Variants in RAB38 observed in about 807,000 individuals in gnomAD.
The protein encoded by RAB38 is ras-related protein Rab-38.
A neutral mutation model predicts 18.4 loss-of-function variants in RAB38; 15 were observed. That is an observed-to-expected ratio of 0.82 (90% CI 0.55 to 1.26). The LOEUF is 1.26. Ranked by LOEUF, RAB38 falls within the 50% of genes most tolerant of loss-of-function variation. The pLI, the probability that RAB38 is intolerant of heterozygous loss-of-function variation, is 0.00. For missense variants in RAB38, 294 were observed against 267.4 expected (o/e 1.10, Z -0.69); for synonymous variants, 101 against 104.4 (o/e 0.97, Z 0.20).
the RAB38 span, among the ~76,000 whole-genome samples, chr11:87,819,717 CGTGTATGTATATATATGTGTATAT>C: frequency 1.5e-3 from 2 of 1,340 alleles, no homozygotes; most frequent in East Asian, 0.12. Context: ...TATATATATA[CGTGTATGTATATATATGTGTATAT>C]ATATATATAC....
chr11:87,937,819 T>G, the RAB38 span, among the ~76,000 whole-genome samples: 1 of 151,688 alleles, frequency 6.6e-6, no homozygotes, highest in East Asian at 1.9e-4. Flanking sequence ...TGGCCGGCGC[T>G]TTCTATTTTC....
chr11:87,890,044 A>G, the RAB38 span, among the ~76,000 whole-genome samples: 503 of 151,990 alleles, frequency 3.3e-3, 3 homozygotes, highest in African/African-American at 0.011. Context: ...TATGTACAGG[A>G]CACTACTCCA....
chr11:88,072,407 C>T, the RAB38 span, among the ~76,000 whole-genome samples: 9 of 151,932 alleles, frequency 5.9e-5, no homozygotes, highest in South Asian at 2.1e-4. Flanking sequence ...CCTAAACAAA[C>T]GAAAGGAGAA....
At chr11:88,036,588 A>G in the RAB38 span, among the ~76,000 whole-genome samples, 1 of 152,074 alleles carries the variant, frequency 6.6e-6, no homozygotes. Context: ...TTCTTAGAAC[A>G]TTTTATTGAG....
chr11:87,862,738 A>G, the RAB38 span, among the ~76,000 whole-genome samples: 1 of 151,846 alleles, frequency 6.6e-6, no homozygotes, highest in African/African-American at 2.4e-5. Flanking sequence ...AGTATATCAC[A>G]TATAAACCTT....
At chr11:87,939,895 C>T in the RAB38 span, among the ~76,000 whole-genome samples, 1 of 151,888 alleles carries the variant, frequency 6.6e-6, no homozygotes, top group Admixed American at 6.6e-5. Context: ...ATAGCCAGAC[C>T]TTATCTCAAA....
chr11:87,806,049 C>T, the RAB38 span, among the ~76,000 whole-genome samples: 1 of 152,180 alleles, frequency 6.6e-6, no homozygotes, highest in Admixed American at 6.5e-5. Context: ...AAACTGGCTA[C>T]TGTAGCCTAG....
At chr11:88,088,351 C>T in the RAB38 span, among the ~76,000 whole-genome samples, 4 of 151,860 alleles carry the variant, frequency 2.6e-5, no homozygotes, top group East Asian at 3.9e-4. Context: ...TGTAGGGACT[C>T]ATAAGAAACA....
chr11:87,960,209 C>A, the RAB38 span, among the ~76,000 whole-genome samples: 1 of 152,062 alleles, frequency 6.6e-6, no homozygotes, highest in Non-Finnish European at 1.5e-5. Context: ...AAGCTTATTA[C>A]AATGCAGATT....
the RAB38 span, among the ~76,000 whole-genome samples, chr11:87,883,126 T>A: frequency 6.6e-6 from 1 of 151,756 alleles, no homozygotes; most frequent in East Asian, 2.0e-4. Flanking sequence ...CTGCAGGAGG[T>A]CACTGTTGAC....
chr11:87,909,555 C>G, the RAB38 span, among the ~76,000 whole-genome samples: 1 of 151,968 alleles, frequency 6.6e-6, no homozygotes, highest in African/African-American at 2.4e-5. Context: ...CAAATGTGTA[C>G]ATCCATAAAA....
chr11:87,949,492 TTTTAGATC>T, the RAB38 span, among the ~76,000 whole-genome samples: 1 of 152,242 alleles, frequency 6.6e-6, no homozygotes, highest in Non-Finnish European at 1.5e-5. Context: ...AGGGTGTCAA[TTTTAGATC>T]TTTCCTGCTT....
chr11:87,926,891 T>C, the RAB38 span, among the ~76,000 whole-genome samples: 1 of 152,006 alleles, frequency 6.6e-6, no homozygotes, highest in Admixed American at 6.6e-5. Context: ...GGCTAGTTTG[T>C]TTTGATGCAT....
At chr11:88,033,794 C>G in the RAB38 span, among the ~76,000 whole-genome samples, 40 of 130,200 alleles carry the variant, frequency 3.1e-4, no homozygotes, top group Admixed American at 3.7e-3. Flanking sequence ...GTGGCGCAAT[C>G]TCAGCTGACT....
the RAB38 span, among the ~76,000 whole-genome samples, chr11:88,084,202 T>C: frequency 6.6e-6 from 1 of 151,514 alleles, no homozygotes; most frequent in African/African-American, 2.4e-5. Flanking sequence ...GAATATAGGG[T>C]CAAACAGTTA....
the RAB38 span, among the ~76,000 whole-genome samples, chr11:87,909,334 T>C: frequency 6.6e-6 from 1 of 151,378 alleles, no homozygotes; most frequent in Non-Finnish European, 1.5e-5. Context: ...ACAGCACCTT[T>C]CTTACTTCTC....
Position 88,148,069 on chromosome 11 carries a change from T to C in RAB38, c.483+1606A>G, listed in dbSNP as rs1238178341. 2.0e-5 allele frequency among the ~76,000 whole-genome samples: 3 copies of C among 152,016 alleles called. No individual in the cohort carries two copies. In the East Asian group the frequency reaches 5.8e-4, roughly 29 times the overall value. On this transcript the variant is annotated intron_variant, in intron 2 of 2. Transcript: ENST00000243662. ...TCAAGAAATATAAAATGATGGGAAA[T>C]GTATCCTGAACCAAAGGAAGAATCC... is the stretch of plus-strand genomic sequence containing the variant.
At chr11:87,946,281 C>G in the RAB38 span, among the ~76,000 whole-genome samples, 7 of 152,144 alleles carry the variant, frequency 4.6e-5, no homozygotes, top group Admixed American at 2.6e-4. Flanking sequence ...GATACGCTGT[C>G]ACCTCTAAGC....
the RAB38 span, among the ~76,000 whole-genome samples, chr11:87,939,404 A>ACT: frequency 7.3e-6 from 1 of 137,152 alleles, no homozygotes; most frequent in African/African-American, 2.6e-5. Context: ...ACACACACAC[A>ACT]CACACACACT....
Sources: gnomAD v4.1 joint callset for allele counts (sites outside exome capture counted in the v4.1 genomes callset) on GRCh38, gnomAD v4.1.1 for gene constraint, MANE v1.5 for transcripts, NCBI Gene and HGNC (gene_info 2026-07-23, HGNC 2026-07-21) for gene names.